TAFA2: variants seen among roughly 807,000 people sequenced by gnomAD.
TAFA2 encodes TAFA chemokine like family member 2, also known as chemokine-like protein TAFA-2.
TAFA2 carries 7 observed loss-of-function variants against 18.8 expected under a neutral mutation model. The observed-to-expected ratio is 0.37, with a 90% CI of 0.21 to 0.70. The LOEUF is 0.70. TAFA2 is among the 30% of genes least tolerant of loss of function. TAFA2 has a pLI of 0.53. For synonymous variants in TAFA2, 60 were observed against 54.2 expected (o/e 1.11, Z -0.47); for missense variants, 122 against 158.1 (o/e 0.77, Z 1.23).
At chr12:62,216,395 T>C (rs1370730302) in intron 1 of TAFA2, among the ~76,000 whole-genome samples, 1 of 152,180 alleles carries the variant, frequency 6.6e-6, no homozygotes, top group Non-Finnish European at 1.5e-5. Flanking sequence ...ATCTGTTTGT[T>C]AGTGTGGGTA....
At chr12:62,160,537 A>G (rs761726745) in intron 1 of TAFA2, among the ~76,000 whole-genome samples, 5 of 152,190 alleles carry the variant, frequency 3.3e-5, no homozygotes, top group Non-Finnish European at 7.3e-5. Context: ...AGTAAGTATT[A>G]AATAAATGTT....
intron 1 of TAFA2, among the ~76,000 whole-genome samples, chr12:61,935,614 T>C (rs555987505): frequency 5.9e-5 from 9 of 152,188 alleles, no homozygotes; most frequent in Non-Finnish European, 1.0e-4. Context: ...CTTCAGTATG[T>C]TTATCACATA....
chr12:61,947,595 C>A (rs1440882473), intron 1 of TAFA2, among the ~76,000 whole-genome samples: 1 of 150,138 alleles, frequency 6.7e-6, no homozygotes, highest in East Asian at 2.0e-4. Flanking sequence ...ACTCTTCATT[C>A]GGTCAGTTTG....
intron 2 of TAFA2, among the ~76,000 whole-genome samples, chr12:61,790,261 C>A (rs929879973): frequency 6.6e-6 from 1 of 151,560 alleles, no homozygotes; most frequent in Non-Finnish European, 1.5e-5. Context: ...CAGCTAACAT[C>A]ATACTAAATG....
At chr12:61,804,036 A>T (rs1287512967) in intron 2 of TAFA2, among the ~76,000 whole-genome samples, 1 of 151,988 alleles carries the variant, frequency 6.6e-6, no homozygotes, top group African/African-American at 2.4e-5. Context: ...CAGCAGACTG[A>T]GGAGAGAAAT....
chr12:62,248,156 CAT>C (rs1407754488), intron 1 of TAFA2, among the ~76,000 whole-genome samples: 1 of 152,236 alleles, frequency 6.6e-6, no homozygotes, highest in Admixed American at 6.5e-5. Flanking sequence ...GGTCACCACA[CAT>C]GAGCTGAAGA....
intron 1 of TAFA2, among the ~76,000 whole-genome samples, chr12:62,163,929 G>A (rs990464350): frequency 8.6e-5 from 13 of 152,014 alleles, no homozygotes; most frequent in Non-Finnish European, 1.9e-4. Flanking sequence ...AAGAAAAAAA[G>A]TTCCTTTTTA....
upstream of TAFA2, among the ~76,000 whole-genome samples, chr12:62,194,412 T>A (rs1315170480): frequency 6.6e-6 from 1 of 152,218 alleles, no homozygotes; most frequent in Non-Finnish European, 1.5e-5. Context: ...AGTTTTGTCA[T>A]CTTGTTAAAA....
At chr12:61,724,314 T>C (rs1202626128) in intron 4 of TAFA2, among the ~76,000 whole-genome samples, 1 of 152,020 alleles carries the variant, frequency 6.6e-6, no homozygotes, top group Non-Finnish European at 1.5e-5. Context: ...TTTTTTGGTG[T>C]TCTTTTCTCT....
rs183141028 is a variant in TAFA2 at position 61,991,325 on chromosome 12, C to A, written c.-1-123899G>T. On this transcript the variant is annotated intron_variant, in intron 1 of 4. Coordinates refer to ENST00000416284, the MANE Select transcript of TAFA2 (RefSeq NM_178539.5). ...AGCTATTTAACATGCAGATACTTTT[C>A]TTTTACATTTAAGGGGGTTATTAGA... Among the ~76,000 whole-genome samples the A allele has an allele frequency of 5.0e-3, 755 of 152,222 alleles. 5 individuals are homozygous for A. The highest frequency in any genetic ancestry group is 0.016 in the African/African-American group (684 of 41,538).
chr12:62,158,897 G>T (rs1027209254), intron 1 of TAFA2, among the ~76,000 whole-genome samples: 3 of 152,122 alleles, frequency 2.0e-5, no homozygotes, highest in Non-Finnish European at 4.4e-5. Context: ...ATCAGAAGAG[G>T]CATTCAATAC....
intron 1 of TAFA2, among the ~76,000 whole-genome samples, chr12:62,131,567 A>G (rs1396428003): frequency 6.6e-6 from 1 of 152,030 alleles, no homozygotes; most frequent in African/African-American, 2.4e-5. Flanking sequence ...ACCACTTTTG[A>G]AGAGTGGCCC....
At chr12:61,950,206 T>G (rs1227748844) in intron 1 of TAFA2, among the ~76,000 whole-genome samples, 1 of 152,190 alleles carries the variant, frequency 6.6e-6, no homozygotes, top group Admixed American at 6.6e-5. Context: ...GGCTGTTTTA[T>G]GTAGTATTGC....
chr12:61,788,865 T>C (rs1870853425), intron 2 of TAFA2, among the ~76,000 whole-genome samples: 1 of 151,764 alleles, frequency 6.6e-6, no homozygotes. Flanking sequence ...AACAAACCAA[T>C]AACAAGTAAA....
chr12:61,921,490 G>C (rs1005349816), intron 1 of TAFA2, among the ~76,000 whole-genome samples: 3 of 152,172 alleles, frequency 2.0e-5, no homozygotes, highest in Non-Finnish European at 2.9e-5. Context: ...GTGTGAAATG[G>C]AAAAGGCTAT....
intron 1 of TAFA2, among the ~76,000 whole-genome samples, chr12:62,153,669 A>C (rs567417717): frequency 7.5e-6 from 1 of 132,786 alleles, no homozygotes; most frequent in Non-Finnish European, 1.6e-5. Flanking sequence ...ACCTTGTCTC[A>C]AAAAAAAAAA....
chr12:61,787,014 CG>C (rs1195541498), intron 2 of TAFA2, among the ~76,000 whole-genome samples: 7 of 151,326 alleles, frequency 4.6e-5, no homozygotes, highest in Admixed American at 3.3e-4. Context: ...TAAACTTAAC[CG>C]CATAAGTAAT....
intron 1 of TAFA2, among the ~76,000 whole-genome samples, chr12:61,987,739 TA>T (rs1879865951): frequency 6.6e-6 from 1 of 152,180 alleles, no homozygotes; most frequent in South Asian, 2.1e-4. Context: ...GTAAATTAAA[TA>T]AGGTAACATC....
At chr12:61,911,629 T>C (rs1355722570) in intron 1 of TAFA2, among the ~76,000 whole-genome samples, 1 of 152,138 alleles carries the variant, frequency 6.6e-6, no homozygotes, top group African/African-American at 2.4e-5. Context: ...GAGTTTTCTG[T>C]CCTAGTTTGT....
Sources: gnomAD v4.1 joint callset for allele counts (sites outside exome capture counted in the v4.1 genomes callset) on GRCh38, gnomAD v4.1.1 for gene constraint, MANE v1.5 for transcripts, NCBI Gene and HGNC (gene_info 2026-07-23, HGNC 2026-07-21) for gene names.